MAP3K8: variants seen among roughly 807,000 people sequenced by gnomAD.
MAP3K8 encodes the protein Ewing sarcoma transformant.
Under a neutral mutation model 45.8 loss-of-function variants are expected in MAP3K8, and 22 were observed. The ratio of observed to expected loss-of-function variants is 0.48; its 90% CI spans 0.34 to 0.69. The LOEUF (loss-of-function observed/expected upper bound fraction) is 0.69. Ranked by LOEUF, MAP3K8 falls within the 30% of genes least tolerant of loss-of-function variation. MAP3K8 has a pLI of 0.01. For missense variants in MAP3K8, 419 were observed against 585.0 expected (o/e 0.72, Z 2.93); for synonymous variants, 223 against 214.3 (o/e 1.04, Z -0.36).
At chr10:30,448,056 T>C in intron 4 of MAP3K8, 107 bp downstream of exon 4, 3 of 986,936 alleles carry the variant, frequency 3.0e-6, no homozygotes, top group Non-Finnish European at 4.5e-6. Context: ...GATTGGGTCT[T>C]ATCTGAGGGT....
chr10:30,449,499 T>G (rs1035068493), intron 4 of MAP3K8, among the ~76,000 whole-genome samples: 3 of 152,204 alleles, frequency 2.0e-5, no homozygotes, highest in Non-Finnish European at 2.9e-5. Context: ...TTTTTACACT[T>G]TTTTGTATGT....
chr10:30,458,812 C>T (rs937625720), intron 7 of MAP3K8, among the ~76,000 whole-genome samples: 3 of 152,198 alleles, frequency 2.0e-5, no homozygotes, highest in African/African-American at 7.2e-5. Flanking sequence ...CGGTGGCTCA[C>T]GCCTGTAATC....
In MAP3K8 at chr10:30,437,720, G is replaced by A. The variant is rs569614667; in HGVS notation, c.-24+314G>A. On this transcript the variant is annotated intron_variant, in intron 2 of 8. Transcript: ENST00000263056. The stretch of plus-strand genomic sequence containing the variant: ...CATGCGTGCAGGTGGCTCTGCAGTG[G>A]AGCATTTCCTGGAGCTTTGAAATGA... Among the ~76,000 whole-genome samples, 11 of 152,318 alleles carry A rather than the reference G, an allele frequency of 7.2e-5. No individual in the cohort carries two copies. The South Asian group carries it at 2.3e-3, about 32-fold the overall frequency.
At chr10:30,438,189 T>C (rs1835974926) in intron 2 of MAP3K8, among the ~76,000 whole-genome samples, 1 of 152,252 alleles carries the variant, frequency 6.6e-6, no homozygotes, top group Non-Finnish European at 1.5e-5. Context: ...AGATGTTTGC[T>C]TTGCACTATT....
rs1836948935 is a variant in MAP3K8 at position 30,461,792 on chromosome 10, TG to T, written c.*958del. On this transcript the variant is annotated 3_prime_UTR_variant, in exon 9 of 9. Coordinates refer to ENST00000263056, the MANE Select transcript of MAP3K8 (RefSeq NM_005204.4). ...TAAAACCCAATACTTTTGTCCAATG[TG>T]GTTGGTCAAATCAACTGAATAAATT... 5.5e-6 allele frequency: 1 copy of T among 182,208 alleles called. No individual in the cohort carries two copies. Among genetic ancestry groups the T allele is most frequent in the South Asian group, 2.0e-4 (1 of 5,088 alleles). 11.3% of individuals were successfully genotyped at this position (182,208 alleles called of 1,614,324 possible). A position where few individuals can be genotyped will look rare whatever the true frequency, so the allele number is the denominator to read the frequency against.
In MAP3K8 at chr10:30,461,513, T is replaced by C. The variant is rs190217524; in HGVS notation, c.*677T>C. ...GATGTTTTGAATGTGGATAAAACTG[T>C]GTAAACCACATAATTTTTGTACATC... is the stretch of plus-strand genomic sequence containing the variant. On this transcript the variant is annotated 3_prime_UTR_variant, in exon 9 of 9. Transcript: ENST00000263056. 1 of 194,648 alleles carries C rather than the reference T, an allele frequency of 5.1e-6. No homozygotes were observed. The highest frequency in any genetic ancestry group is 8.2e-5 in the East Asian group (1 of 12,170). The allele number at this position is 194,648 out of a possible 1,614,324, so 12.1% of individuals were successfully genotyped here.
chr10:30,448,461 C>T (rs1836423010), intron 4 of MAP3K8, among the ~76,000 whole-genome samples: 1 of 129,172 alleles, frequency 7.7e-6, no homozygotes, highest in South Asian at 2.4e-4. Context: ...GAAACAGAGT[C>T]TTGCTCTGTT....
chr10:30,447,165 A>G (rs538905378), intron 3 of MAP3K8, among the ~76,000 whole-genome samples: 10 of 152,360 alleles, frequency 6.6e-5, no homozygotes, highest in African/African-American at 1.7e-4. Context: ...CCTCCGCAGC[A>G]CCAAACACAG....
chr10:30,457,200 AC>A (rs1374911455), intron 6 of MAP3K8, among the ~76,000 whole-genome samples: 2 of 152,242 alleles, frequency 1.3e-5, no homozygotes, highest in Non-Finnish European at 1.5e-5. Context: ...TATTTATAAA[AC>A]CAGCCCTGTT....
intron 6 of MAP3K8, among the ~76,000 whole-genome samples, chr10:30,454,455 C>G (rs1200333762): frequency 6.6e-6 from 1 of 152,000 alleles, no homozygotes; most frequent in Admixed American, 6.6e-5. Flanking sequence ...GTAGTCCCAG[C>G]TACTCAAGAG....
In MAP3K8 at chr10:30,460,206, A is replaced by G. The variant is rs116044492; in HGVS notation, c.1274-500A>G. 9.3e-4 allele frequency among the ~76,000 whole-genome samples: 141 copies of G among 152,336 alleles called. 1 individual carries two copies. The highest frequency in any genetic ancestry group is 3.2e-3 in the African/African-American group (134 of 41,578). ...GGAACATCATGGCACTGCCCTGCAC[A>G]GATAAAATACTCAGTTTGAAGTCAA... On this transcript the variant is annotated intron_variant, in intron 8 of 8. Transcript: ENST00000263056.
chr10:30,459,347 C>A lies in MAP3K8; in HGVS notation c.1119C>A (p.Pro373=). ...ELIEASLERN[P]NHRPRAADLL... ...TAGAAGCTTCCCTGGAGAGAAACCC[C>A]AATCACCGCCCAAGAGCCGCAGACC... The change falls in exon 8 of 9, where the codon CCC becomes CCA. Residue 373 remains proline, a synonymous_variant. Transcript: ENST00000263056. 1 of 1,614,136 alleles carries A rather than the reference C, an allele frequency of 6.2e-7. No individual in the cohort carries two copies. Among genetic ancestry groups the A allele is most frequent in the Middle Eastern group, 1.7e-4 (1 of 6,058 alleles).
At chr10:30,458,928 T>A (rs1178069433) in intron 7 of MAP3K8, among the ~76,000 whole-genome samples, 1 of 151,992 alleles carries the variant, frequency 6.6e-6, no homozygotes, top group East Asian at 1.9e-4. Flanking sequence ...TTAAAAAAAT[T>A]AGCTAGGTGT....
intron 3 of MAP3K8, among the ~76,000 whole-genome samples, chr10:30,445,101 G>A (rs529455497): frequency 1.8e-4 from 27 of 152,256 alleles, no homozygotes; most frequent in African/African-American, 6.3e-4. Context: ...ACACTGGTTC[G>A]AGGTGGGTTA....
intron 6 of MAP3K8, among the ~76,000 whole-genome samples, chr10:30,455,544 C>T (rs935494272): frequency 1.3e-5 from 2 of 152,184 alleles, no homozygotes; most frequent in African/African-American, 4.8e-5. Context: ...TTTTGAGTTG[C>T]AAGGTACAGA....
intron 3 of MAP3K8, among the ~76,000 whole-genome samples, chr10:30,446,308 G>T (rs533598848): frequency 6.6e-6 from 1 of 152,292 alleles, no homozygotes; most frequent in Non-Finnish European, 1.5e-5. Flanking sequence ...GCTGGGGCAG[G>T]TGGCTCACTT....
At chr10:30,456,631 C>T (rs1272640406) in intron 6 of MAP3K8, among the ~76,000 whole-genome samples, 2 of 152,132 alleles carry the variant, frequency 1.3e-5, no homozygotes, top group African/African-American at 4.8e-5. Flanking sequence ...TATGTCTGCA[C>T]CAGCCATGAA....
At chr10:30,459,222 C>T (rs1160593606) in intron 7 of MAP3K8, 33 bp from the exon 8 acceptor site, 2 of 1,613,414 alleles carry the variant, frequency 1.2e-6, no homozygotes, top group Non-Finnish European at 1.7e-6. Flanking sequence ...TATCACCATA[C>T]CTTTGATGCT....
At position 30,447,881 on chromosome 10, in the gene MAP3K8, CG is replaced by C; in HGVS notation, c.440del (p.Gly147AlafsTer12). The C allele has an allele frequency of 6.2e-7, 1 of 1,613,656 alleles. No homozygotes were observed. Among genetic ancestry groups the C allele is most frequent in the Non-Finnish European group, 8.5e-7 (1 of 1,179,776 alleles). ...GAATATTGGTTCTGATTTTATTCCT[CG>C]GGGCGCCTTTGGAAAGGTATACTTG... is the stretch of plus-strand genomic sequence containing the variant. ...YRNIGSDFIP[R>X]GAFGKVYLAQ... is the part of the protein sequence containing the mutation. On this transcript the variant is annotated frameshift_variant, in exon 4 of 9. Coordinates refer to ENST00000263056, the MANE Select transcript of MAP3K8 (RefSeq NM_005204.4). LOFTEE classifies it high-confidence loss of function.
Sources: gnomAD v4.1 joint callset for allele counts (sites outside exome capture counted in the v4.1 genomes callset) on GRCh38, gnomAD v4.1.1 for gene constraint, MANE v1.5 for transcripts, NCBI Gene and HGNC (gene_info 2026-07-23, HGNC 2026-07-21) for gene names.